CADM2: variants seen among roughly 807,000 people sequenced by gnomAD.
CADM2 encodes the protein immunoglobulin superfamily member 4D.
In CADM2, 12 loss-of-function variants were observed where a neutral mutation model predicts 49.8. The observed-to-expected ratio is 0.24, with a 90% CI of 0.15 to 0.39. CADM2 has a LOEUF of 0.39. Among genes scored for constraint, CADM2 ranks in the 10% least tolerant of loss-of-function variants. The probability of loss-of-function intolerance (pLI) is 1.00; values close to 1 mark genes in which losing one functional copy is unlikely to be tolerated. For missense variants in CADM2, 378 were observed against 492.3 expected (o/e 0.77, Z 2.20); for synonymous variants, 214 against 175.4 (o/e 1.22, Z -1.74).
chr3:85,656,485 G>A (rs544227337), intron 1 of CADM2, among the ~76,000 whole-genome samples: 20 of 151,982 alleles, frequency 1.3e-4, no homozygotes, highest in South Asian at 1.2e-3. Context: ...GAGTGGTGTC[G>A]TGCACCTGTA....
intron 1 of CADM2, among the ~76,000 whole-genome samples, chr3:85,346,728 G>T (rs1248540582): frequency 6.6e-6 from 1 of 152,012 alleles, no homozygotes; most frequent in Non-Finnish European, 1.5e-5. Context: ...ATAAAAATAC[G>T]AAATGTAATT....
intron 1 of CADM2, among the ~76,000 whole-genome samples, chr3:85,430,445 T>C (rs1020250506): frequency 2.0e-5 from 3 of 151,850 alleles, no homozygotes; most frequent in African/African-American, 4.8e-5. Context: ...TTGAGCCCCA[T>C]AGTTAGAGGT....
intron 1 of CADM2, among the ~76,000 whole-genome samples, chr3:85,058,437 CT>C (rs916272159): frequency 6.6e-6 from 1 of 151,728 alleles, no homozygotes; most frequent in Non-Finnish European, 1.5e-5. Context: ...AAATGACTTT[CT>C]TTTTTTTCTT....
chr3:85,970,716 G>C (rs893031868), intron 8 of CADM2, among the ~76,000 whole-genome samples: 1 of 151,436 alleles, frequency 6.6e-6, no homozygotes, highest in Non-Finnish European at 1.5e-5. Context: ...TTAGTGCCGT[G>C]TGCATAGTAC....
intron 1 of CADM2, among the ~76,000 whole-genome samples, chr3:85,361,266 T>C (rs1179288199): frequency 6.6e-6 from 1 of 152,168 alleles, no homozygotes; most frequent in Non-Finnish European, 1.5e-5. Context: ...TTTTAAATAA[T>C]ATTTTCATGG....
chr3:85,621,249 A>G (rs189939473), intron 1 of CADM2, among the ~76,000 whole-genome samples: 25 of 152,278 alleles, frequency 1.6e-4, no homozygotes, highest in African/African-American at 2.4e-5. Flanking sequence ...CAACATAACC[A>G]TAAGATAATT....
intron 1 of CADM2, among the ~76,000 whole-genome samples, chr3:85,282,797 A>C (rs2043537571): frequency 6.6e-6 from 1 of 152,116 alleles, no homozygotes; most frequent in South Asian, 2.1e-4. Context: ...GATATTGGCT[A>C]TATACGTTCT....
At chr3:85,989,335 A>G (rs1374925025) in intron 8 of CADM2, among the ~76,000 whole-genome samples, 2 of 152,132 alleles carry the variant, frequency 1.3e-5, no homozygotes, top group Non-Finnish European at 2.9e-5. Flanking sequence ...TAAGCAAAGA[A>G]AAACTGGAGC....
At chr3:85,428,537 CATAA>C (rs1576536645) in intron 1 of CADM2, among the ~76,000 whole-genome samples, 1 of 142,634 alleles carries the variant, frequency 7.0e-6, no homozygotes. Flanking sequence ...TATACACACA[CATAA>C]ATAAATAATA....
intron 8 of CADM2, among the ~76,000 whole-genome samples, chr3:86,033,072 G>T (rs988454765): frequency 6.6e-6 from 1 of 151,442 alleles, no homozygotes; most frequent in Non-Finnish European, 1.5e-5. Context: ...CCCACCTCAT[G>T]CTGCCATCTA....
At chr3:85,146,738 T>C (rs1274189980) in intron 1 of CADM2, among the ~76,000 whole-genome samples, 1 of 152,204 alleles carries the variant, frequency 6.6e-6, no homozygotes, top group Non-Finnish European at 1.5e-5. Context: ...GGATTTTCTG[T>C]CTCAGAGAAA....
chr3:85,621,554 A>T (rs934168641), intron 1 of CADM2, among the ~76,000 whole-genome samples: 3 of 152,148 alleles, frequency 2.0e-5, no homozygotes, highest in African/African-American at 7.2e-5. Flanking sequence ...GTCTTTATAC[A>T]TCCTTTCTTA....
intron 8 of CADM2, among the ~76,000 whole-genome samples, chr3:86,001,677 C>T (rs1730210971): frequency 2.6e-5 from 4 of 151,808 alleles, no homozygotes; most frequent in Non-Finnish European, 5.9e-5. Context: ...GAATTTGTTG[C>T]CAGATAAAGG....
chr3:85,045,451 A>C (rs2035618453), intron 1 of CADM2, among the ~76,000 whole-genome samples: 1 of 152,068 alleles, frequency 6.6e-6, no homozygotes, highest in South Asian at 2.1e-4. Context: ...TTTATTTTAC[A>C]ATGTGGGCTA....
chr3:85,110,611 T>C (rs528798804), intron 1 of CADM2, among the ~76,000 whole-genome samples: 1 of 152,052 alleles, frequency 6.6e-6, no homozygotes, highest in East Asian at 1.9e-4. Flanking sequence ...TAGGTGGCAC[T>C]GTTGGACTGT....
chr3:85,837,490 A>T (rs1171773676), intron 3 of CADM2, among the ~76,000 whole-genome samples: 1 of 151,670 alleles, frequency 6.6e-6, no homozygotes, highest in Non-Finnish European at 1.5e-5. Context: ...AACCTGTTAG[A>T]ATTGAGGTAG....
At chr3:85,290,965 A>C (rs2106933167) in intron 1 of CADM2, among the ~76,000 whole-genome samples, 1 of 152,372 alleles carries the variant, frequency 6.6e-6, no homozygotes, top group South Asian at 2.1e-4. Flanking sequence ...TGAGAGAAGA[A>C]GGCTTCAGAC....
rs1255599272 is a variant in CADM2 at position 85,984,193 on chromosome 3, GT to G, written c.970+22547del. ...GTGCACATATGTACACATATATTATGTATGCACATATATTATACATGTTACT... is the reference window on the plus strand; with the variant it reads ...GTGCACATATGTACACATATATTATGATGCACATATATTATACATGTTACT... On this transcript the variant is annotated intron_variant, in intron 8 of 9. Coordinates refer to ENST00000383699, the MANE Select transcript of CADM2 (RefSeq NM_001167675.2). 1.3e-4 allele frequency among the ~76,000 whole-genome samples: 20 copies of G among 150,138 alleles called. 1 individual carries two copies. The highest frequency in any genetic ancestry group is 5.9e-5 in the Non-Finnish European group (4 of 67,392).
At chr3:85,620,870 C>T (rs1265494590) in intron 1 of CADM2, among the ~76,000 whole-genome samples, 1 of 152,052 alleles carries the variant, frequency 6.6e-6, no homozygotes, top group Non-Finnish European at 1.5e-5. Flanking sequence ...AACCAAGTAT[C>T]TCTAAAACTT....
Sources: allele counts gnomAD v4.1 joint callset (sites outside exome capture counted in the v4.1 genomes callset), GRCh38; gene constraint gnomAD v4.1.1; transcripts MANE v1.5; gene names NCBI Gene and HGNC (gene_info 2026-07-23, HGNC 2026-07-21).